GCG: variants seen among roughly 807,000 people sequenced by gnomAD.
GCG encodes pro-glucagon.
Under a neutral mutation model 22.8 loss-of-function variants are expected in GCG, and 11 were observed. That is an observed-to-expected ratio of 0.48 (90% confidence interval 0.30 to 0.80). The LOEUF (loss-of-function observed/expected upper bound fraction) is 0.80. Ranked by LOEUF, GCG falls within the 30% of genes least tolerant of loss-of-function variation. GCG has a pLI of 0.06. For missense variants in GCG, 222 were observed against 222.0 expected, an observed-to-expected ratio of 1.00 and a Z score of 0.00; for synonymous variants, 89 against 72.4, an observed-to-expected ratio of 1.23 and a Z score of -1.16.
chr2:162,151,377 C>T (rs1559751260), intron 1 of GCG, among the ~76,000 whole-genome samples: 2 of 152,136 alleles, frequency 1.3e-5, no homozygotes, highest in Admixed American at 6.6e-5. Context: ...AAATACACCA[C>T]TTAATCATTT....
At chr2:162,150,183 G>T (rs1046477793) in intron 1 of GCG, among the ~76,000 whole-genome samples, 2 of 152,104 alleles carry the variant, frequency 1.3e-5, no homozygotes, top group Admixed American at 6.6e-5. Flanking sequence ...GAATGGGAAC[G>T]TCAAGTCCGT....
rs1259800104 is a variant in GCG, at chr2:162,143,080, T to G, written c.*284A>C. On this transcript the variant is annotated 3_prime_UTR_variant, in exon 6 of 6. Coordinates refer to ENST00000418842, the MANE Select transcript of GCG (RefSeq NM_002054.5). ...CAAATTATATCATAGAAAAATAATT[T>G]TATCGCTAAATGTAAACAGGTTGGG... The G allele has an allele frequency of 3.5e-6, 1 of 286,830 alleles. No individual in the cohort carries two copies. The allele number at this position is 286,830 out of a possible 1,614,324, so 17.8% of individuals were successfully genotyped here.
chr2:162,150,230 G>GT (rs1205755914), intron 1 of GCG, among the ~76,000 whole-genome samples: 5 of 152,088 alleles, frequency 3.3e-5, no homozygotes. Context: ...AAACCCAATG[G>GT]TGTTTCCTTT....
At position 162,147,400 on chromosome 2, in the gene GCG, C is replaced by A. The variant is rs772255194; in HGVS notation, c.207G>T (p.Arg69Ser). ...TSDYSKYLDSRRAQDFVQWLM... is the reference protein window; with the variant it reads ...TSDYSKYLDSSRAQDFVQWLM... ...ACCACTGCACAAAATCTTGGGCACG[C>A]CTGGAGTCCAGATACTTGCTGTAGT... Residue 69 changes from arginine to serine, a missense_variant, in exon 3 of 6, where the codon AGG (arginine) becomes AGT (serine). Arg to Ser is a moderately radical substitution (Grantham distance 110, BLOSUM62 -1). Coordinates refer to ENST00000418842, the MANE Select transcript of GCG (RefSeq NM_002054.5). 6 of 1,613,166 alleles carry A rather than the reference C, an allele frequency of 3.7e-6. No individual in the cohort carries two copies. Among genetic ancestry groups the A allele is most frequent in the Admixed American group, 1.7e-5 (1 of 59,948 alleles).
At chr2:162,149,482 A>T (rs1357037301) in intron 1 of GCG, among the ~76,000 whole-genome samples, 1 of 152,164 alleles carries the variant, frequency 6.6e-6, no homozygotes, top group African/African-American at 2.4e-5. Flanking sequence ...CCAGACTGGA[A>T]ATTAAAATGT....
At chr2:162,147,125 T>G (rs1686707338) in intron 3 of GCG, among the ~76,000 whole-genome samples, 1 of 151,998 alleles carries the variant, frequency 6.6e-6, no homozygotes, top group African/African-American at 2.4e-5. Flanking sequence ...GGAAAATAAT[T>G]TAAAGGCTAT....
chr2:162,149,444 T>G (rs1686779933), intron 1 of GCG, among the ~76,000 whole-genome samples: 1 of 152,152 alleles, frequency 6.6e-6, no homozygotes, highest in Non-Finnish European at 1.5e-5. Flanking sequence ...GTAGGGACAC[T>G]TCTGTTTAAT....
chr2:162,148,968 T>A (rs1057234526), intron 2 of GCG, 119 bp downstream of exon 2: 1 of 647,820 alleles, frequency 1.5e-6, no homozygotes, highest in Non-Finnish European at 2.7e-6. Flanking sequence ...ACTTTAAACA[T>A]TTGATCATTG....
Position 162,145,575 on chromosome 2 carries a change from G to A in GCG, c.357C>T (p.Phe119=). The change falls in exon 4 of 6, where the codon TTC becomes TTT. Residue 119 remains phenylalanine (F), a synonymous_variant. Coordinates refer to ENST00000418842, the MANE Select transcript of GCG (RefSeq NM_002054.5). ...SYLEGQAAKE[F]IAWLVKGRGR... ...CTCGGCCTTTCACCAGCCAAGCAAT[G>A]AATTCCTTGGCAGCTTGGCCTTCCA... 1 of 1,610,946 alleles carries A rather than the reference G, an allele frequency of 6.2e-7. No homozygotes were observed. The highest frequency in any genetic ancestry group is 8.5e-7 in the Non-Finnish European group (1 of 1,178,288).
At chr2:162,143,937 TC>T in intron 5 of GCG, 89 bp downstream of exon 5, 1 of 1,034,224 alleles carries the variant, frequency 9.7e-7, no homozygotes, top group South Asian at 1.3e-5. Context: ...TTATAGACTT[TC>T]CCCCTACATG....
At chr2:162,144,367 G>T in intron 4 of GCG, 197 bp from the exon 5 acceptor site, 1 of 561,662 alleles carries the variant, frequency 1.8e-6, no homozygotes, top group Non-Finnish European at 3.2e-6. Context: ...AGCAGAGCTG[G>T]GATCTAATAC....
At position 162,143,441 on chromosome 2, in the gene GCG, T is replaced by G. The variant is rs941801169; in HGVS notation, c.537-71A>C. 19 of 617,444 alleles carry G rather than the reference T, an allele frequency of 3.1e-5. No individual in the cohort carries two copies. The African/African-American group carries it at 3.4e-4, about 11-fold the overall frequency. 38.2% of individuals were successfully genotyped at this position (617,444 alleles called of 1,614,324 possible). A position where few individuals can be genotyped will look rare whatever the true frequency, so the allele number is the denominator to read the frequency against. On this transcript the variant is annotated intron_variant, in intron 5 of 5. Transcript: ENST00000418842. ...TGATATCATTAACTTATCCAGAAAA[T>G]ATTTCAATGATTTATTTTGATAAAA...
chr2:162,149,407 G>C (rs1398518137), intron 1 of GCG, among the ~76,000 whole-genome samples: 1 of 152,046 alleles, frequency 6.6e-6, no homozygotes, highest in Non-Finnish European at 1.5e-5. Context: ...CAAAAGATGT[G>C]TTCCACCATT....
At chr2:162,150,869 A>T (rs1326194453) in intron 1 of GCG, among the ~76,000 whole-genome samples, 1 of 152,082 alleles carries the variant, frequency 6.6e-6, no homozygotes, top group Non-Finnish European at 1.5e-5. Context: ...TCAGGAGCTG[A>T]TGGAAGAAAG....
intron 1 of GCG, 28 bp from the exon 2 acceptor site, chr2:162,149,215 T>C: frequency 8.1e-7 from 1 of 1,234,344 alleles, no homozygotes; most frequent in Admixed American, 1.8e-5. Context: ...GGGGGTAGGG[T>C]GAGGGGGGCA....
chr2:162,145,402 T>A, intron 4 of GCG, 138 bp downstream of exon 4: 1 of 757,434 alleles, frequency 1.3e-6, no homozygotes, highest in Non-Finnish European at 2.0e-6. Context: ...TATATACTGT[T>A]TTTCATCAAT....
At chr2:162,150,182 C>A (rs949108901) in intron 1 of GCG, among the ~76,000 whole-genome samples, 1 of 152,104 alleles carries the variant, frequency 6.6e-6, no homozygotes, top group Non-Finnish European at 1.5e-5. Flanking sequence ...TGAATGGGAA[C>A]GTCAAGTCCG....
chr2:162,143,964 C>A (rs542626639), intron 5 of GCG, 63 bp downstream of exon 5: 2 of 1,385,266 alleles, frequency 1.4e-6, no homozygotes, highest in African/African-American at 1.4e-5. Flanking sequence ...CAGCTTGCAG[C>A]AGTATGACAA....
At chr2:162,143,837 T>C (rs1169383957) in intron 5 of GCG, 190 bp downstream of exon 5, 1 of 605,000 alleles carries the variant, frequency 1.7e-6, no homozygotes, top group Non-Finnish European at 2.9e-6. Flanking sequence ...AATGAATAAA[T>C]AGATACAAAC....
Sources: gnomAD v4.1 joint callset for allele counts (sites outside exome capture counted in the v4.1 genomes callset) on GRCh38, gnomAD v4.1.1 for gene constraint, MANE v1.5 for transcripts, NCBI Gene and HGNC (gene_info 2026-07-23, HGNC 2026-07-21) for gene names.